Variants in CDH23 observed in about 807,000 individuals in gnomAD.
CDH23 encodes cadherin-23.
In CDH23, 189 loss-of-function variants were observed where a neutral mutation model predicts 317.1. The ratio of observed to expected loss-of-function variants is 0.60; its 90% confidence interval spans 0.53 to 0.67. The LOEUF is 0.67. Ranked by LOEUF, CDH23 falls within the 30% of genes least tolerant of loss-of-function variation. The probability of loss-of-function intolerance (pLI) is 0.00; values close to 1 mark genes in which losing one functional copy is unlikely to be tolerated. For missense variants in CDH23, 4,401 were observed against 4,592.4 expected (o/e 0.96, Z 1.20); for synonymous variants, 1,839 against 1,876.8 (o/e 0.98, Z 0.52).
At chr10:71,656,162 G>A (rs1006294291) in intron 14 of CDH23, among the ~76,000 whole-genome samples, 8 of 152,200 alleles carry the variant, frequency 5.3e-5, no homozygotes, top group Admixed American at 4.6e-4. Flanking sequence ...GGGTAGGGAG[G>A]TGTAATGGCC....
intron 38 of CDH23, among the ~76,000 whole-genome samples, chr10:71,757,388 G>A (rs117554823): frequency 0.016 from 2,402 of 152,298 alleles, 23 homozygotes; most frequent in Admixed American, 0.022. Flanking sequence ...GCTTCCTTAC[G>A]ATCTGGGCTG....
rs367907013 is a variant in CDH23, at chr10:71,806,017, C to T, written c.8064+20C>T. 10 of 869,348 alleles carry T rather than the reference C, an allele frequency of 1.2e-5. No individual in the cohort carries two copies. The highest frequency in any genetic ancestry group is 1.5e-5 in the Non-Finnish European group (9 of 585,678). The allele number at this position is 869,348 out of a possible 1,614,324, so 53.9% of individuals were successfully genotyped here. ...TACAGCGTAAGGGCGGGGCCCGGTGCGAGGGGCGGGGTCTGGGGCGGGGCT... is the reference window on the plus strand; with the variant it reads ...TACAGCGTAAGGGCGGGGCCCGGTGTGAGGGGCGGGGTCTGGGGCGGGGCT... On this transcript the variant is annotated intron_variant, in intron 56 of 69. Coordinates refer to ENST00000224721, the MANE Select transcript of CDH23 (RefSeq NM_022124.6).
At chr10:71,459,039 G>A (rs1850840651) in intron 3 of CDH23, among the ~76,000 whole-genome samples, 1 of 148,564 alleles carries the variant, frequency 6.7e-6, no homozygotes, top group Non-Finnish European at 1.5e-5. Context: ...GCCCGCCCTG[G>A]CCTCCCAAAG....
At chr10:71,644,590 G>A (rs549739612) in intron 12 of CDH23, among the ~76,000 whole-genome samples, 10 of 152,330 alleles carry the variant, frequency 6.6e-5, no homozygotes, top group South Asian at 4.1e-4. Flanking sequence ...ACCACGGAGA[G>A]TCTTTGGGGC....
chr10:71,413,242 C>T (rs1848410112), intron 1 of CDH23, among the ~76,000 whole-genome samples: 5 of 152,110 alleles, frequency 3.3e-5, no homozygotes, highest in Admixed American at 3.3e-4. Context: ...ACTGTCCTTT[C>T]CCCATTGAAT....
intron 6 of CDH23, among the ~76,000 whole-genome samples, chr10:71,563,941 G>T (rs984428025): frequency 1.3e-5 from 2 of 151,986 alleles, no homozygotes; most frequent in African/African-American, 4.8e-5. Context: ...TAGAGACGGG[G>T]TTTCACCATG....
At chr10:71,789,804 C>T (rs1000560904) in intron 45 of CDH23, among the ~76,000 whole-genome samples, 2 of 152,250 alleles carry the variant, frequency 1.3e-5, no homozygotes, top group Non-Finnish European at 2.9e-5. Context: ...ACCAGGGAAT[C>T]CCAGGCCTGT....
intron 52 of CDH23, among the ~76,000 whole-genome samples, chr10:71,800,036 G>A (rs117572883): frequency 1.3e-3 from 203 of 152,362 alleles, no homozygotes; most frequent in Non-Finnish European, 2.4e-3. Context: ...ACTCAGTGCT[G>A]GGGAAGGGAG....
rs1312991062 is a variant in CDH23 at position 71,680,829 on chromosome 10, C to CTTTTTTT, written c.1858+1348_1858+1354dup. On this transcript the variant is annotated intron_variant, in intron 17 of 69. Coordinates refer to ENST00000224721, the MANE Select transcript of CDH23 (RefSeq NM_022124.6). ...GTCTTTCTTTTTTTTTTTTCTTTTT[C>CTTTTTTT]TTTTTTTTTTTTTTTTTGAGACAGA... Among the ~76,000 whole-genome samples, 212 of 70,110 alleles carry CTTTTTTT rather than the reference C, an allele frequency of 3.0e-3. 1 individual carries two copies. The highest frequency in any genetic ancestry group is 3.5e-3 in the Admixed American group (16 of 4,526). The allele number at this position is 70,110 out of a possible 152,430, so 46.0% of individuals were successfully genotyped here.
chr10:71,727,907 A>G (rs1866887500), intron 30 of CDH23, among the ~76,000 whole-genome samples: 1 of 152,144 alleles, frequency 6.6e-6, no homozygotes, highest in Admixed American at 6.5e-5. Context: ...TTTGCAAACC[A>G]TCTTGCCTCC....
At chr10:71,619,870 G>GT (rs1861381595) in intron 11 of CDH23, among the ~76,000 whole-genome samples, 1 of 152,200 alleles carries the variant, frequency 6.6e-6, no homozygotes, top group African/African-American at 2.4e-5. Context: ...CAGGGCCTGT[G>GT]TTTCAGCCTG....
intron 55 of CDH23, among the ~76,000 whole-genome samples, chr10:71,805,476 A>C (rs1373441379): frequency 6.6e-6 from 1 of 152,204 alleles, no homozygotes; most frequent in African/African-American, 2.4e-5. Flanking sequence ...TCTGTCCCCA[A>C]AACCTCAGCA....
Position 71,640,981 on chromosome 10 carries a change from G to A in CDH23, c.1135-2880G>A, listed in dbSNP as rs12218823. ...TAACTGGAGAGCTTTATAGAATGCG[G>A]ATGCCTATGCTTCCACCCCCTCCCT... On this transcript the variant is annotated intron_variant, in intron 11 of 69. Coordinates refer to ENST00000224721, the MANE Select transcript of CDH23 (RefSeq NM_022124.6). Among the ~76,000 whole-genome samples the A allele has an allele frequency of 1.3e-3, 192 of 152,282 alleles. 3 individuals are homozygous for A. In the East Asian group the frequency reaches 0.031, roughly 24 times the overall value.
intron 11 of CDH23, among the ~76,000 whole-genome samples, chr10:71,643,561 C>CA (rs920600963): frequency 2.6e-5 from 4 of 151,450 alleles, no homozygotes; most frequent in East Asian, 1.9e-4. Flanking sequence ...GAGCCCTTGC[C>CA]CCCCCCTCAC....
chr10:71,493,282 G>A (rs1192279562), intron 3 of CDH23, among the ~76,000 whole-genome samples: 1 of 152,128 alleles, frequency 6.6e-6, no homozygotes, highest in Non-Finnish European at 1.5e-5. Context: ...AAGCAGAGAG[G>A]CCCAGGTTCC....
chr10:71,632,864 A>G (rs1227710535), intron 11 of CDH23, among the ~76,000 whole-genome samples: 1 of 152,210 alleles, frequency 6.6e-6, no homozygotes, highest in Non-Finnish European at 1.5e-5. Context: ...TTATAACAGA[A>G]TAACTGAAAC....
intron 1 of CDH23, among the ~76,000 whole-genome samples, chr10:71,419,650 G>GT (rs145000273): frequency 0.3 from 46,136 of 152,010 alleles, 7,185 homozygotes; most frequent in Middle Eastern, 0.45. Context: ...AGTACATTTT[G>GT]TTACATTTCC....
chr10:71,676,341 A>G (rs1422114223), intron 15 of CDH23, among the ~76,000 whole-genome samples: 1 of 151,612 alleles, frequency 6.6e-6, no homozygotes, highest in Non-Finnish European at 1.5e-5. Flanking sequence ...AAAGATGGGG[A>G]AGGAGCTGGA....
chr10:71,558,417 G>A (rs555852566), intron 6 of CDH23, among the ~76,000 whole-genome samples: 10 of 151,920 alleles, frequency 6.6e-5, no homozygotes, highest in African/African-American at 2.2e-4. Flanking sequence ...TCTACTTTTG[G>A]GGAAATTTCT....
Sources: allele counts gnomAD v4.1 joint callset (sites outside exome capture counted in the v4.1 genomes callset), GRCh38; gene constraint gnomAD v4.1.1; transcripts MANE v1.5; gene names NCBI Gene and HGNC (gene_info 2026-07-23, HGNC 2026-07-21).